AP3B2: variants seen among roughly 807,000 people sequenced by gnomAD.
AP3B2 encodes the protein adaptor related protein complex 3 subunit beta 2.
In AP3B2, 50 loss-of-function variants were observed where a neutral mutation model predicts 126.9. That is an observed-to-expected ratio of 0.39 (90% CI 0.31 to 0.50). AP3B2 has a LOEUF of 0.50. Ranked by LOEUF, AP3B2 falls within the 20% of genes least tolerant of loss-of-function variation. The pLI is 0.79. For missense variants in AP3B2, 1,177 were observed against 1,426.4 expected (o/e 0.83, Z 2.82); for synonymous variants, 541 against 565.0 (o/e 0.96, Z 0.60).
chr15:82,687,485 A>C (rs1429723631), intron 4 of AP3B2: 1 of 152,244 alleles, frequency 6.6e-6, no homozygotes, highest in African/African-American at 2.4e-5. Flanking sequence ...ATTAGTTTTT[A>C]TACTTAACCC....
chr15:82,705,881 C>T (rs2048788293), intron 1 of AP3B2, among the ~76,000 whole-genome samples: 2 of 152,134 alleles, frequency 1.3e-5, no homozygotes, highest in Admixed American at 1.3e-4. Flanking sequence ...CCTAGCTGAC[C>T]CCACAGATCC....
chr15:82,703,720 C>G (rs28881874), intron 1 of AP3B2, among the ~76,000 whole-genome samples: 1 of 151,044 alleles, frequency 6.6e-6, no homozygotes, highest in East Asian at 2.0e-4. Context: ...TTTTACACAT[C>G]GGTCCCTCCC....
chr15:82,680,090 GC>G lies in AP3B2; in HGVS notation c.1110+84del. On this transcript the variant is annotated intron_variant, in intron 9 of 26. Transcript: ENST00000535359. The surrounding 1 kb of genome is among the most constrained non-coding windows in gnomAD (Gnocchi z 6.1). ...TATTCCTCCATCTTCCCTTTCCCCG[GC>G]CCCGGTCCCAGCCCCGACAACGCCT... The G allele has an allele frequency of 6.4e-7, 1 of 1,559,758 alleles. No individual in the cohort carries two copies. The highest frequency in any genetic ancestry group is 8.7e-7 in the Non-Finnish European group (1 of 1,144,480).
intron 15 of AP3B2, among the ~76,000 whole-genome samples, chr15:82,666,059 C>A (rs1180748829): frequency 6.6e-6 from 1 of 152,136 alleles, no homozygotes; most frequent in Non-Finnish European, 1.5e-5. Flanking sequence ...CTGTGCCCAC[C>A]CTCAGAATCT....
intron 1 of AP3B2, among the ~76,000 whole-genome samples, chr15:82,706,537 C>T (rs1262307427): frequency 1.3e-5 from 2 of 152,216 alleles, no homozygotes; most frequent in Non-Finnish European, 2.9e-5. Flanking sequence ...AACACTTATG[C>T]TGATAAGGTA....
chr15:82,678,035 T>A, intron 11 of AP3B2, 70 bp downstream of exon 11: 2 of 1,550,568 alleles, frequency 1.3e-6, no homozygotes, highest in Non-Finnish European at 8.9e-7. Context: ...AAGAGGAGGT[T>A]TACCCACCAG....
chr15:82,692,331 A>C, intron 1 of AP3B2: 1 of 567,202 alleles, frequency 1.8e-6, no homozygotes, highest in Non-Finnish European at 3.0e-6. Flanking sequence ...CTCACCACGC[A>C]GATGCGCTCA....
chr15:82,663,374 A>T, intron 21 of AP3B2, 141 bp from the exon 22 acceptor site: 1 of 973,898 alleles, frequency 1.0e-6, no homozygotes. Context: ...CAAAATACCC[A>T]TTCCTAGACC....
chr15:82,680,698 C>T lies in AP3B2; in HGVS notation c.829G>A (p.Ala277Thr). ...KAFYGSEEDEAKGAGSEETAA... is the reference protein window; with the variant it reads ...KAFYGSEEDETKGAGSEETAA... ...GTCTCCTCAGACCCCGCGCCCTTGG[C>T]CTCGTCCTCCTCTGAGCCGTAGAAG... The change falls in exon 8 of 27, where the codon GCC (alanine) becomes ACC (threonine). Residue 277 changes from alanine to threonine, a missense_variant. Ala to Thr is a moderately conservative substitution (Grantham distance 58). Transcript: ENST00000535359. This position sits in a 1 kb window ranked among gnomAD's most constrained non-coding sequence, Gnocchi z 6.1. 1 of 1,567,898 alleles carries T rather than the reference C, an allele frequency of 6.4e-7. No individual in the cohort carries two copies. The highest frequency in any genetic ancestry group is 8.6e-7 in the Non-Finnish European group (1 of 1,161,184).
chr15:82,677,815 G>T lies in AP3B2; in HGVS notation c.1246-12C>A. The T allele has an allele frequency of 6.3e-7, 1 of 1,580,886 alleles. No homozygotes were observed. Among genetic ancestry groups the T allele is most frequent in the South Asian group, 1.2e-5 (1 of 85,942 alleles). On this transcript the variant is annotated splice_polypyrimidine_tract_variant and intron_variant, in intron 11 of 26. Transcript: ENST00000535359. ...CTGCGAATATAGGTCTGTGGGATAT[G>T]ACAAAGAAATCCCTCAGTGACTCTG...
At position 82,664,469 on chromosome 15, in the gene AP3B2, G is replaced by A. The variant is rs777932732; in HGVS notation, c.2159C>T (p.Ser720Leu). ...ADSDPESESE[S>L]DSKSSSESGS... ...GCTCTCACTGCTGCTCTTACTGTCC[G>A]ATTCACTCTCAGACTCAGGGTCTGT... Residue 720 changes from serine (S) to leucine (L), a missense_variant, in exon 19 of 27, where the codon TCG (serine) becomes TTG (leucine). Transcript: ENST00000535359. The surrounding 1 kb of genome is among the most constrained non-coding windows in gnomAD (Gnocchi z 4.5). The A allele has an allele frequency of 2.4e-5, 38 of 1,613,454 alleles. No individual in the cohort carries two copies. Among genetic ancestry groups the A allele is most frequent in the Non-Finnish European group, 3.1e-5 (36 of 1,179,760 alleles).
chr15:82,680,818 C>A lies in AP3B2; in HGVS notation c.771+19G>T. The A allele has an allele frequency of 6.2e-7, 1 of 1,612,892 alleles. No individual in the cohort carries two copies. Among genetic ancestry groups the A allele is most frequent in the Non-Finnish European group, 8.5e-7 (1 of 1,179,396 alleles). ...CGGGACACACTTCGGCCCGCTCTGC[C>A]TGGGCTGGGCCCACTTACGTTCTGG... On this transcript the variant is annotated intron_variant, in intron 7 of 26. Transcript: ENST00000535359. The surrounding 1 kb of genome is among the most constrained non-coding windows in gnomAD (Gnocchi z 6.1).
At position 82,662,691 on chromosome 15, in the gene AP3B2, C is replaced by T. The variant is rs761159539; in HGVS notation, c.2833+3G>A. On this transcript the variant is annotated splice_donor_region_variant and intron_variant, in intron 23 of 26. Transcript: ENST00000535359. ...CCTCCACCCCATCCAAAGCCCTTCG[C>T]ACCAATTTCGGGAAATTCTTGGATG... 26 of 1,610,724 alleles carry T rather than the reference C, an allele frequency of 1.6e-5. No homozygotes were observed. Among genetic ancestry groups the T allele is most frequent in the Non-Finnish European group, 2.0e-5 (24 of 1,178,440 alleles).
At position 82,680,713 on chromosome 15, in the gene AP3B2, A is replaced by G. The variant is rs1194632435; in HGVS notation, c.814T>C (p.Ser272Pro). Residue 272 changes from serine (S) to proline (P), a missense_variant, in exon 8 of 27, where the codon TCA becomes CCA. Physicochemically the swap from Ser to Pro is moderately conservative, Grantham distance 74 (BLOSUM62 -1). This residue lies in a region of AP3B2 where 103 missense variants were observed against 101.4 expected (regional missense o/e 1.02). Transcript: ENST00000535359. The surrounding 1 kb of genome is among the most constrained non-coding windows in gnomAD (Gnocchi z 6.1). ...GCGCCCTTGGCCTCGTCCTCCTCTG[A>G]GCCGTAGAAGGCTTTTTCCGCGTTC... The part of the protein sequence containing the change: ...EENAEKAFYG[S>P]EEDEAKGAGS... 11 of 1,567,966 alleles carry G rather than the reference A, an allele frequency of 7.0e-6. No homozygotes were observed. The highest frequency in any genetic ancestry group is 4.3e-6 in the Non-Finnish European group (5 of 1,161,416).
intron 4 of AP3B2, 161 bp downstream of exon 4, chr15:82,688,575 G>C: frequency 1.4e-6 from 1 of 728,470 alleles, no homozygotes. Flanking sequence ...CACTCTCTGA[G>C]GGTCTGGCTG....
At chr15:82,662,429 C>A in intron 23 of AP3B2, 177 bp from the exon 24 acceptor site, 1 of 653,562 alleles carries the variant, frequency 1.5e-6, no homozygotes, top group Non-Finnish European at 2.6e-6. Flanking sequence ...TCTAAGCACC[C>A]TTTCCCCCAC....
intron 14 of AP3B2, among the ~76,000 whole-genome samples, chr15:82,673,745 C>T (rs1242275622): frequency 6.6e-6 from 1 of 152,026 alleles, no homozygotes; most frequent in African/African-American, 2.4e-5. Context: ...TCTGAGTTTT[C>T]CAAATGTTCT....
chr15:82,702,752 T>A (rs2048738744), intron 1 of AP3B2, among the ~76,000 whole-genome samples: 1 of 152,110 alleles, frequency 6.6e-6, no homozygotes, highest in Non-Finnish European at 1.5e-5. Context: ...TGTTGGGTGG[T>A]CTCTTCACAT....
chr15:82,707,321 A>G (rs1030289284), intron 1 of AP3B2, among the ~76,000 whole-genome samples: 1 of 152,206 alleles, frequency 6.6e-6, no homozygotes, highest in Non-Finnish European at 1.5e-5. Context: ...CCTTCTCAGA[A>G]TTTGGGCCTG....
Sources: gnomAD v4.1 joint callset for allele counts (sites outside exome capture counted in the v4.1 genomes callset) on GRCh38, gnomAD v4.1.1 for gene constraint, gnomAD v4.1.1 regional missense constraint, Gnocchi (gnomAD v3.1) non-coding constraint, MANE v1.5 for transcripts, NCBI Gene and HGNC (gene_info 2026-07-23, HGNC 2026-07-21) for gene names.